Variants in TPCN2 observed in about 807,000 individuals in gnomAD.
The protein encoded by TPCN2 is two pore channel protein 2.
In TPCN2, 92 loss-of-function variants were observed where a neutral mutation model predicts 111.4. The observed-to-expected ratio is 0.83, with a 90% confidence interval of 0.70 to 0.98. The LOEUF (loss-of-function observed/expected upper bound fraction) is 0.98. Ranked by LOEUF, TPCN2 falls within the 50% of genes least tolerant of loss-of-function variation. TPCN2 has a pLI of 0.00. For synonymous variants in TPCN2, 405 were observed against 414.5 expected, an observed-to-expected ratio of 0.98 and a Z score of 0.28; for missense variants, 995 against 980.1, an observed-to-expected ratio of 1.02 and a Z score of -0.20.
At chr11:69,055,379 T>C in intron 4 of TPCN2, 27 bp downstream of exon 4, 1 of 1,574,730 alleles carries the variant, frequency 6.4e-7, no homozygotes, top group Non-Finnish European at 8.6e-7. Context: ...GCCCTCTACG[T>C]GCTGCCCCGG....
chr11:69,058,500 A>G (rs755440826), intron 5 of TPCN2, among the ~76,000 whole-genome samples: 32 of 140,532 alleles, frequency 2.3e-4, no homozygotes, highest in East Asian at 4.3e-4. Context: ...CAGAAGCTCA[A>G]TGAGGTTGGT....
At chr11:69,058,018 G>T (rs1249008088) in intron 5 of TPCN2, among the ~76,000 whole-genome samples, 1 of 152,198 alleles carries the variant, frequency 6.6e-6, no homozygotes, top group South Asian at 2.1e-4. Context: ...GTCCAGCCCC[G>T]GATGAGAGCG....
chr11:69,076,176 C>T (rs1855744541), intron 13 of TPCN2, among the ~76,000 whole-genome samples: 1 of 152,154 alleles, frequency 6.6e-6, no homozygotes. Flanking sequence ...AGCTGGGGTT[C>T]AGACCTCTTG....
intron 5 of TPCN2, among the ~76,000 whole-genome samples, chr11:69,060,462 A>G (rs913017954): frequency 6.6e-6 from 1 of 152,116 alleles, no homozygotes; most frequent in Non-Finnish European, 1.5e-5. Context: ...GTTGGATAAT[A>G]TGGAGGCTGC....
At chr11:69,063,359 C>T (rs1486789935) in intron 6 of TPCN2, among the ~76,000 whole-genome samples, 2 of 152,052 alleles carry the variant, frequency 1.3e-5, no homozygotes, top group Non-Finnish European at 2.9e-5. Flanking sequence ...ACGCTGCCAG[C>T]CTAGACTTCA....
chr11:69,083,870 A>G, intron 18 of TPCN2, 75 bp from the exon 19 acceptor site: 2 of 1,412,006 alleles, frequency 1.4e-6, no homozygotes, highest in Non-Finnish European at 2.0e-6. Context: ...TGTCAGGGTC[A>G]GCGTGGTGGG....
At position 69,085,283 on chromosome 11, in the gene TPCN2, G is replaced by GC; in HGVS notation, c.1836dup (p.Ser613GlnfsTer26). The GC allele has an allele frequency of 6.2e-7, 1 of 1,601,986 alleles. No homozygotes were observed. On this transcript the variant is annotated frameshift_variant, in exon 20 of 25. Transcript: ENST00000294309. LOFTEE classifies it high-confidence loss of function. ...GTCATTGTGGCTCTTCCTGGAAACAGCAGGTGAGGTGGGGTCCGAGGTGCC... is the reference window on the plus strand; with the variant it reads ...GTCATTGTGGCTCTTCCTGGAAACAGCCAGGTGAGGTGGGGTCCGAGGTGCC...
intron 12 of TPCN2, 50 bp downstream of exon 12, chr11:69,072,758 C>G (rs1565089204): frequency 1.9e-6 from 3 of 1,605,288 alleles, no homozygotes; most frequent in African/African-American, 2.7e-5. Context: ...CGGGAGGTCA[C>G]TTGGGCCAGC....
At chr11:69,058,772 G>T (rs779982071) in intron 5 of TPCN2, among the ~76,000 whole-genome samples, 1 of 152,352 alleles carries the variant, frequency 6.6e-6, no homozygotes, top group Non-Finnish European at 1.5e-5. Flanking sequence ...GCAGCTTCCC[G>T]CAGCCTCCTC....
At chr11:69,051,386 A>G (rs145177935) in intron 1 of TPCN2, among the ~76,000 whole-genome samples, 2 of 152,334 alleles carry the variant, frequency 1.3e-5, no homozygotes, top group African/African-American at 4.8e-5. Flanking sequence ...TTAGCAAAGT[A>G]CTCTGGCTAT....
intron 17 of TPCN2, 72 bp from the exon 18 acceptor site, chr11:69,081,328 C>T (rs775824106): frequency 8.0e-5 from 83 of 1,036,876 alleles, no homozygotes; most frequent in Non-Finnish European, 1.0e-4. Flanking sequence ...TCCAGGAACC[C>T]GCGCGTTTCC....
At chr11:69,083,072 G>A (rs939863809) in intron 18 of TPCN2, 26 of 152,376 alleles carry the variant, frequency 1.7e-4, no homozygotes, top group African/African-American at 6.3e-4. Flanking sequence ...ATGATCGTGT[G>A]TGCACACATC....
chr11:69,049,046 G>A lies in TPCN2; in HGVS notation c.49G>A (p.Gly17Ser), dbSNP rs1861090351. 8.1e-7 allele frequency: 1 copy of A among 1,242,234 alleles called. No homozygotes were observed. Among genetic ancestry groups the A allele is most frequent in the Non-Finnish European group, 1.0e-6 (1 of 988,638 alleles). 77.0% of individuals were successfully genotyped at this position (1,242,234 alleles called of 1,614,324 possible). A position where few individuals can be genotyped will look rare whatever the true frequency, so the allele number is the denominator to read the frequency against. The part of the protein sequence containing the change: ...ESEPLLGGAR[G>S]GGGDWPAGLT... ...GGAGCCCCTGCTGGGCGGGGCCCGCGGCGGTGGCGGCGACTGGCCGGCGGG... is the reference window on the plus strand; with the variant it reads ...GGAGCCCCTGCTGGGCGGGGCCCGCAGCGGTGGCGGCGACTGGCCGGCGGG... The change falls in exon 1 of 25, where the codon GGC becomes AGC. Residue 17 changes from glycine to serine, a missense_variant. Coordinates refer to ENST00000294309, the MANE Select transcript of TPCN2 (RefSeq NM_139075.4).
At chr11:69,067,750 C>G in intron 8 of TPCN2, 145 bp downstream of exon 8, 2 of 629,398 alleles carry the variant, frequency 3.2e-6, no homozygotes, top group Non-Finnish European at 5.4e-6. Context: ...CATTTTCCTT[C>G]CTCCCCTTCT....
intron 14 of TPCN2, 54 bp from the exon 15 acceptor site, chr11:69,078,680 C>A: frequency 1.9e-6 from 3 of 1,613,424 alleles, no homozygotes; most frequent in Non-Finnish European, 2.5e-6. Context: ...CCCCTCCTGC[C>A]TCGCCCAGCG....
chr11:69,057,635 G>A lies in TPCN2; in HGVS notation c.487G>A (p.Val163Met), dbSNP rs79490424. 1.0e-3 allele frequency: 1,615 copies of A among 1,614,204 alleles called. 6 individuals carry two copies. Among genetic ancestry groups the A allele is most frequent in the South Asian group, 5.4e-3 (494 of 91,088 alleles). Reference sequence around the variant, plus strand: ...AAACCTTTGGCTGCTGGGCTACCTCGTGGTGCTGGTGGTGTCTCTGGTGGA... The same window carrying A: ...AAACCTTTGGCTGCTGGGCTACCTCATGGTGCTGGTGGTGTCTCTGGTGGA... ...QKNLWLLGYL[V>M]VLVVSLVDWT... is the part of the protein sequence containing the mutation. The change falls in exon 5 of 25, where the codon GTG becomes ATG. Residue 163 changes from valine to methionine, a missense_variant. Physicochemically the swap from Val to Met is conservative, Grantham distance 21. Coordinates refer to ENST00000294309, the MANE Select transcript of TPCN2 (RefSeq NM_139075.4).
chr11:69,050,813 C>T (rs549764342), intron 1 of TPCN2, among the ~76,000 whole-genome samples: 11 of 152,204 alleles, frequency 7.2e-5, no homozygotes, highest in Non-Finnish European at 1.2e-4. Flanking sequence ...GGCCAGTGGC[C>T]GTCCTGGGTA....
At position 69,079,855 on chromosome 11, in the gene TPCN2, G is replaced by C; in HGVS notation, c.1561G>C (p.Ala521Pro). 1 of 1,613,796 alleles carries C rather than the reference G, an allele frequency of 6.2e-7. No homozygotes were observed. The highest frequency in any genetic ancestry group is 8.5e-7 in the Non-Finnish European group (1 of 1,179,942). Residue 521 changes from alanine (A) to proline (P), a missense_variant, in exon 17 of 25, where the codon GCT becomes CCT. Ala to Pro is a conservative substitution (Grantham distance 27). Transcript: ENST00000294309. ...AAAGGTTTTGGAGATCTCAACTCTG[G>C]CTGTGTACCGATTGCCACACCCAGG... ...VLLVLEISTLAVYRLPHPGWR... is the reference protein window; with the variant it reads ...VLLVLEISTLPVYRLPHPGWR...
chr11:69,054,015 T>C lies in TPCN2; in HGVS notation c.110-18T>C. The C allele has an allele frequency of 6.2e-7, 1 of 1,611,616 alleles. No individual in the cohort carries two copies. Among genetic ancestry groups the C allele is most frequent in the East Asian group, 2.2e-5 (1 of 44,866 alleles). ...TGTCATCCTGCTCGGTCACCTGATGTGTCCCCTCTGCCTGCAGGTGCCGCG... is the reference window on the plus strand; with the variant it reads ...TGTCATCCTGCTCGGTCACCTGATGCGTCCCCTCTGCCTGCAGGTGCCGCG... On this transcript the variant is annotated intron_variant, in intron 1 of 24. Coordinates refer to ENST00000294309, the MANE Select transcript of TPCN2 (RefSeq NM_139075.4).
Sources: allele counts gnomAD v4.1 joint callset (sites outside exome capture counted in the v4.1 genomes callset), GRCh38; gene constraint gnomAD v4.1.1; transcripts MANE v1.5; gene names NCBI Gene and HGNC (gene_info 2026-07-23, HGNC 2026-07-21).